Variants in EXT1 observed in about 807,000 individuals in gnomAD.
EXT1 encodes exostosin glycosyltransferase 1, also known as exostosin-1.
A neutral mutation model predicts 82.5 loss-of-function variants in EXT1; 20 were observed. The observed-to-expected ratio is 0.24, with a 90% confidence interval of 0.17 to 0.35. EXT1 has a LOEUF of 0.35. Ranked by LOEUF, EXT1 falls within the 10% of genes least tolerant of loss-of-function variation. The pLI is 1.00. For missense variants in EXT1, 757 were observed against 936.5 expected (o/e 0.81, Z 2.50); for synonymous variants, 348 against 350.8 (o/e 0.99, Z 0.09).
chr8:117,943,682 T>C (rs1367727804), intron 1 of EXT1, among the ~76,000 whole-genome samples: 2 of 152,168 alleles, frequency 1.3e-5, no homozygotes, highest in Non-Finnish European at 2.9e-5. Flanking sequence ...AAATTATCAG[T>C]GATTTTAAAT....
chr8:117,928,887 T>C (rs1813999661), intron 1 of EXT1, among the ~76,000 whole-genome samples: 1 of 151,926 alleles, frequency 6.6e-6, no homozygotes, highest in Middle Eastern at 3.2e-3. Flanking sequence ...AAAAAGGGCA[T>C]GAAAAAGCCA....
At chr8:117,810,416 A>G (rs1051815766) in intron 8 of EXT1, among the ~76,000 whole-genome samples, 3 of 152,328 alleles carry the variant, frequency 2.0e-5, no homozygotes, top group East Asian at 1.9e-4. Context: ...TTAGATTTAC[A>G]TATCATTTTC....
intron 1 of EXT1, among the ~76,000 whole-genome samples, chr8:117,873,549 G>A (rs532596583): frequency 3.4e-5 from 5 of 148,156 alleles, no homozygotes; most frequent in African/African-American, 1.0e-4. Context: ...TCTGCCTCCC[G>A]GGTTCAAGTG....
chr8:117,950,514 C>T (rs1814472454), intron 1 of EXT1, among the ~76,000 whole-genome samples: 1 of 152,150 alleles, frequency 6.6e-6, no homozygotes, highest in African/African-American at 2.4e-5. Flanking sequence ...TATGTAAACT[C>T]CTGCCACAAT....
intron 1 of EXT1, among the ~76,000 whole-genome samples, chr8:118,031,756 T>C (rs959980471): frequency 7.2e-5 from 11 of 152,080 alleles, no homozygotes; most frequent in Admixed American, 1.3e-4. Flanking sequence ...CTTAAAGAGA[T>C]AGTAAGGGTC....
At chr8:117,909,071 G>C (rs1489024225) in intron 1 of EXT1, among the ~76,000 whole-genome samples, 1 of 151,950 alleles carries the variant, frequency 6.6e-6, no homozygotes, top group Non-Finnish European at 1.5e-5. Context: ...GGCAGAGGTT[G>C]AAGTGAACCG....
At chr8:117,936,775 T>C (rs1028013789) in intron 1 of EXT1, among the ~76,000 whole-genome samples, 1 of 152,208 alleles carries the variant, frequency 6.6e-6, no homozygotes, top group Non-Finnish European at 1.5e-5. Context: ...CTTGGGAGGC[T>C]GAGGCAGGAG....
At chr8:117,977,459 T>A (rs878916052) in intron 1 of EXT1, among the ~76,000 whole-genome samples, 1 of 148,820 alleles carries the variant, frequency 6.7e-6, no homozygotes, top group Non-Finnish European at 1.5e-5. Context: ...TATCACAAAG[T>A]AGGAAAATAA....
At chr8:118,085,479 G>GTTTTTTTTT (rs58866328) in intron 1 of EXT1, among the ~76,000 whole-genome samples, 3 of 126,744 alleles carry the variant, frequency 2.4e-5, no homozygotes, top group Non-Finnish European at 5.1e-5. Context: ...GGCTGTTTTT[G>GTTTTTTTTT]TTTTTTTTTT....
intron 1 of EXT1, among the ~76,000 whole-genome samples, chr8:118,027,313 TCACACACACACACACACACACA>T (rs71307421): frequency 1.4e-5 from 2 of 145,410 alleles, no homozygotes; most frequent in South Asian, 2.2e-4. Context: ...TCAGTTTCTT[TCACACACACACACACACACACA>T]CACACACACA....
At chr8:117,958,012 T>C (rs1173272968) in intron 1 of EXT1, among the ~76,000 whole-genome samples, 1 of 152,152 alleles carries the variant, frequency 6.6e-6, no homozygotes, top group Non-Finnish European at 1.5e-5. Context: ...ATGAGACTGG[T>C]AAAGGTGGAA....
At chr8:118,099,827 G>A (rs1212175255) in intron 1 of EXT1, among the ~76,000 whole-genome samples, 2 of 152,208 alleles carry the variant, frequency 1.3e-5, no homozygotes, top group African/African-American at 2.4e-5. Flanking sequence ...AGTTGCTGTT[G>A]CTGTTATCCT....
intron 1 of EXT1, among the ~76,000 whole-genome samples, chr8:117,939,530 C>T (rs957016526): frequency 4.8e-5 from 7 of 147,094 alleles, no homozygotes; most frequent in Non-Finnish European, 8.9e-5. Flanking sequence ...GATTGCACCA[C>T]TGCACTCCAG....
At chr8:118,003,686 A>G (rs1267148672) in intron 1 of EXT1, among the ~76,000 whole-genome samples, 1 of 152,214 alleles carries the variant, frequency 6.6e-6, no homozygotes, top group African/African-American at 2.4e-5. Context: ...TTTAGTTAAA[A>G]TATGTACTTA....
chr8:118,008,477 T>G (rs923113299), intron 1 of EXT1, among the ~76,000 whole-genome samples: 2 of 152,052 alleles, frequency 1.3e-5, no homozygotes, highest in Non-Finnish European at 2.9e-5. Context: ...GCCAGGCTGG[T>G]CTCGAACTAG....
intron 6 of EXT1, among the ~76,000 whole-genome samples, chr8:117,819,270 C>G (rs748991773): frequency 2.6e-5 from 4 of 152,234 alleles, no homozygotes; most frequent in Non-Finnish European, 5.9e-5. Flanking sequence ...AAAGTTGACA[C>G]TTCATGACAC....
intron 1 of EXT1, among the ~76,000 whole-genome samples, chr8:117,918,750 C>T (rs1813800570): frequency 6.6e-6 from 1 of 152,198 alleles, no homozygotes; most frequent in Admixed American, 6.5e-5. Flanking sequence ...GGAGTGACCC[C>T]AGCAGATGCC....
At chr8:117,864,749 AAAAAAAAAAAAAAAATCGC>A (rs1419538899) in intron 1 of EXT1, among the ~76,000 whole-genome samples, 1 of 67,654 alleles carries the variant, frequency 1.5e-5, no homozygotes, top group African/African-American at 4.2e-5. Context: ...ACTCTGCCTC[AAAAAAAAAAAAAAAATCGC>A]AAAAAAAAAA....
chr8:117,882,994 A>AC (rs1448199270), intron 1 of EXT1, among the ~76,000 whole-genome samples: 1 of 151,814 alleles, frequency 6.6e-6, no homozygotes, highest in Admixed American at 6.6e-5. Context: ...AAAAAAAAAA[A>AC]AAGAAAGAAA....
Sources: gnomAD v4.1 joint callset for allele counts (sites outside exome capture counted in the v4.1 genomes callset) on GRCh38, gnomAD v4.1.1 for gene constraint, MANE v1.5 for transcripts, NCBI Gene and HGNC (gene_info 2026-07-23, HGNC 2026-07-21) for gene names.